MEIKIN: variants seen among roughly 807,000 people sequenced by gnomAD.
The protein encoded by MEIKIN is meiosis-specific kinetochore protein.
chr5:131,843,966 A>G (rs1749964968), intron 11 of MEIKIN, among the ~76,000 whole-genome samples: 1 of 152,130 alleles, frequency 6.6e-6, no homozygotes, highest in African/African-American at 2.4e-5. Flanking sequence ...GGTTTAATTG[A>G]CTCACAGTTC....
chr5:131,904,623 C>A (rs1015642793), intron 8 of MEIKIN, among the ~76,000 whole-genome samples: 2 of 152,134 alleles, frequency 1.3e-5, no homozygotes, highest in Non-Finnish European at 2.9e-5. Context: ...CTATTTGATC[C>A]AGCAATCCCA....
intron 11 of MEIKIN, among the ~76,000 whole-genome samples, chr5:131,828,397 A>G (rs898207700): frequency 4.6e-5 from 7 of 152,106 alleles, no homozygotes; most frequent in East Asian, 1.9e-4. Context: ...TCCTGAGCTC[A>G]AGCGATTTGC....
intron 6 of MEIKIN, among the ~76,000 whole-genome samples, chr5:131,920,546 C>T (rs947456525): frequency 1.3e-5 from 2 of 152,130 alleles, no homozygotes; most frequent in Non-Finnish European, 2.9e-5. Flanking sequence ...ACCACCTTAA[C>T]TAAATGATGA....
chr5:131,928,035 A>G (rs971351652), intron 5 of MEIKIN, among the ~76,000 whole-genome samples: 1 of 151,494 alleles, frequency 6.6e-6, no homozygotes, highest in Non-Finnish European at 1.5e-5. Context: ...TCCCAGCTAC[A>G]CGGGAGGCTG....
chr5:131,852,150 T>C (rs111645858), intron 10 of MEIKIN, among the ~76,000 whole-genome samples: 13 of 152,300 alleles, frequency 8.5e-5, no homozygotes, highest in African/African-American at 3.1e-4. Flanking sequence ...TCATCTTGAA[T>C]TGTAATCCCC....
At chr5:131,917,030 T>A (rs568478203) in intron 6 of MEIKIN, 105 bp from the exon 7 acceptor site, 4 of 382,470 alleles carry the variant, frequency 1.0e-5, no homozygotes, top group African/African-American at 8.3e-5. Flanking sequence ...TATAACTTTT[T>A]AAATATTGTT....
intron 4 of MEIKIN, among the ~76,000 whole-genome samples, chr5:131,935,529 G>C (rs1751763243): frequency 6.6e-6 from 1 of 152,066 alleles, no homozygotes; most frequent in African/African-American, 2.4e-5. Context: ...AATGTGCTCT[G>C]CTATATTTAG....
At chr5:131,919,113 A>G (rs1462668254) in intron 6 of MEIKIN, among the ~76,000 whole-genome samples, 1 of 152,216 alleles carries the variant, frequency 6.6e-6, no homozygotes, top group Admixed American at 6.5e-5. Context: ...GCCCTTAAAC[A>G]TATGAAAAAT....
intron 11 of MEIKIN, among the ~76,000 whole-genome samples, chr5:131,847,885 A>G (rs576120451): frequency 1.3e-5 from 2 of 152,116 alleles, no homozygotes; most frequent in African/African-American, 4.8e-5. Context: ...AAACTGAAAA[A>G]TTCAACAAAC....
chr5:131,930,063 G>C (rs1481136644), intron 5 of MEIKIN, among the ~76,000 whole-genome samples: 2 of 152,190 alleles, frequency 1.3e-5, no homozygotes, highest in Admixed American at 1.3e-4. Flanking sequence ...TGGGTCAAAT[G>C]ATAGTTCTAG....
At chr5:131,893,638 G>A (rs1243041316) in intron 8 of MEIKIN, among the ~76,000 whole-genome samples, 3 of 152,184 alleles carry the variant, frequency 2.0e-5, no homozygotes, top group East Asian at 1.9e-4. Flanking sequence ...GATGAACCCG[G>A]TACCTCAATT....
intron 9 of MEIKIN, among the ~76,000 whole-genome samples, chr5:131,865,289 C>T (rs1750363379): frequency 6.6e-6 from 1 of 151,790 alleles, no homozygotes; most frequent in Non-Finnish European, 1.5e-5. Flanking sequence ...GCACAATCTC[C>T]ACTCACTGCA....
chr5:131,855,538 A>C (rs1750177927), intron 9 of MEIKIN, among the ~76,000 whole-genome samples: 2 of 151,760 alleles, frequency 1.3e-5, no homozygotes, highest in African/African-American at 4.8e-5. Flanking sequence ...AGAGAGAGGG[A>C]GGAAGGGAGA....
At chr5:131,933,219 T>C (rs1484121047) in intron 5 of MEIKIN, among the ~76,000 whole-genome samples, 3 of 152,224 alleles carry the variant, frequency 2.0e-5, no homozygotes, top group Non-Finnish European at 4.4e-5. Flanking sequence ...AGATAACACA[T>C]GGTTCAAGAG....
intron 5 of MEIKIN, among the ~76,000 whole-genome samples, chr5:131,926,459 T>C (rs959290964): frequency 6.6e-5 from 10 of 152,220 alleles, no homozygotes; most frequent in Non-Finnish European, 1.5e-4. Context: ...TGAGGATTTT[T>C]ACATCTATGT....
intron 12 of MEIKIN, among the ~76,000 whole-genome samples, chr5:131,816,715 A>C (rs1398187780): frequency 1.3e-5 from 2 of 152,228 alleles, no homozygotes; most frequent in Non-Finnish European, 2.9e-5. Flanking sequence ...CAAATACAGG[A>C]TCTTGCTATT....
intron 9 of MEIKIN, among the ~76,000 whole-genome samples, chr5:131,862,359 G>C (rs1750301183): frequency 6.6e-6 from 1 of 151,886 alleles, no homozygotes; most frequent in South Asian, 2.1e-4. Flanking sequence ...AATCTAGCTA[G>C]TGGTTTATTA....
intron 9 of MEIKIN, among the ~76,000 whole-genome samples, chr5:131,872,453 T>G (rs984523166): frequency 2.0e-5 from 3 of 151,528 alleles, no homozygotes; most frequent in South Asian, 2.1e-4. Flanking sequence ...AGAGAAAAAA[T>G]AATAAAAAGA....
intron 11 of MEIKIN, among the ~76,000 whole-genome samples, chr5:131,820,074 CT>C (rs138803335): frequency 4.3e-4 from 48 of 112,812 alleles, no homozygotes; most frequent in Admixed American, 1.2e-3. Flanking sequence ...CGCGCCCGGC[CT>C]TTTTTTTTTT....
Sources: gnomAD v4.1 joint callset for allele counts (sites outside exome capture counted in the v4.1 genomes callset) on GRCh38, gnomAD v4.1.1 for gene constraint, MANE v1.5 for transcripts, NCBI Gene and HGNC (gene_info 2026-07-23, HGNC 2026-07-21) for gene names.